FBXW7: variants seen among roughly 807,000 people sequenced by gnomAD.
The protein encoded by FBXW7 is F-box/WD repeat-containing protein 7.
Under a neutral mutation model 86.3 loss-of-function variants are expected in FBXW7, and 11 were observed. The observed-to-expected ratio is 0.13, with a 90% CI of 0.08 to 0.21. The LOEUF (loss-of-function observed/expected upper bound fraction) is 0.21, where lower values mean the gene tolerates loss of function less well. Among genes scored for constraint, FBXW7 ranks in the 10% least tolerant of loss-of-function variants. FBXW7 has a pLI of 1.00. For synonymous variants in FBXW7, 313 were observed against 297.9 expected (o/e 1.05, Z -0.52); for missense variants, 488 against 847.4 (o/e 0.58, Z 5.27).
rs1729514628 is a variant in FBXW7 at position 152,330,953 on chromosome 4, G to A, written c.986-85C>T. ...ATAAAGTATTCCATCTTTATAAAGA[G>A]TATTCCATCTCTCTGCTCAAAACCA... On this transcript the variant is annotated intron_variant, in intron 8 of 13. Transcript: ENST00000281708. 1.5e-5 allele frequency: 21 copies of A among 1,356,686 alleles called. No individual in the cohort carries two copies. The South Asian group carries it at 2.8e-4, about 18-fold the overall frequency. 84.0% of individuals were successfully genotyped at this position (1,356,686 alleles called of 1,614,324 possible). A position where few individuals can be genotyped will look rare whatever the true frequency, so the allele number is the denominator to read the frequency against.
At chr4:152,357,297 A>ATTT (rs1199805159) in intron 4 of FBXW7, among the ~76,000 whole-genome samples, 1 of 152,052 alleles carries the variant, frequency 6.6e-6, no homozygotes, top group Non-Finnish European at 1.5e-5. Context: ...AATAAATTTT[A>ATTT]ATATAATTAC....
At chr4:152,329,302 T>A (rs1729337712) in intron 10 of FBXW7, among the ~76,000 whole-genome samples, 1 of 151,890 alleles carries the variant, frequency 6.6e-6, no homozygotes, top group South Asian at 2.1e-4. Context: ...AAAATAAATA[T>A]CCCTCAACCA....
At chr4:152,503,461 G>A (rs1747135066) in intron 2 of FBXW7, among the ~76,000 whole-genome samples, 1 of 152,022 alleles carries the variant, frequency 6.6e-6, no homozygotes, top group Admixed American at 6.6e-5. Flanking sequence ...TAGTAGAGAT[G>A]GGGTTTTGTC....
rs1024846231 is a variant in FBXW7 at position 152,382,118 on chromosome 4, C to G, written c.501+29185G>C. ...AAATAAAAACTGAAATTTGAGGCAT[C>G]TTTTCACTAAAAGAGGCCAAGGTAC... is the stretch of plus-strand genomic sequence containing the variant. On this transcript the variant is annotated intron_variant, in intron 4 of 13. Coordinates refer to ENST00000281708, the MANE Select transcript of FBXW7 (RefSeq NM_001349798.2). The G allele has an allele frequency of 3.2e-5, 37 of 1,139,054 alleles. No homozygotes were observed. The Admixed American group carries it at 9.3e-4, about 29-fold the overall frequency. 70.6% of individuals were successfully genotyped at this position (1,139,054 alleles called of 1,614,324 possible). A position where few individuals can be genotyped will look rare whatever the true frequency, so the allele number is the denominator to read the frequency against.
At chr4:152,384,975 A>G (rs1485260757) in intron 4 of FBXW7, among the ~76,000 whole-genome samples, 1 of 152,044 alleles carries the variant, frequency 6.6e-6, no homozygotes, top group Non-Finnish European at 1.5e-5. Flanking sequence ...CATAAGACTA[A>G]TTGTTTTGTT....
chr4:152,397,577 T>TA (rs1736522748), intron 4 of FBXW7, among the ~76,000 whole-genome samples: 4 of 151,600 alleles, frequency 2.6e-5, no homozygotes, highest in Admixed American at 2.6e-4. Flanking sequence ...AGGCATATCT[T>TA]ACGTAGTTCA....
intron 4 of FBXW7, among the ~76,000 whole-genome samples, chr4:152,399,154 T>C (rs1173730098): frequency 1.3e-5 from 2 of 152,164 alleles, no homozygotes; most frequent in Non-Finnish European, 2.9e-5. Flanking sequence ...GAAGATTCTA[T>C]ACTTGGCACC....
intron 2 of FBXW7, among the ~76,000 whole-genome samples, chr4:152,480,216 C>T (rs983226308): frequency 1.3e-5 from 2 of 152,162 alleles, no homozygotes; most frequent in Non-Finnish European, 2.9e-5. Flanking sequence ...TAGTAATTCT[C>T]ACAATATTTC....
chr4:152,365,801 A>G (rs1733425055), intron 4 of FBXW7, among the ~76,000 whole-genome samples: 3 of 152,186 alleles, frequency 2.0e-5, no homozygotes. Flanking sequence ...TATACAGGCT[A>G]TCTCTGATTT....
intron 2 of FBXW7, among the ~76,000 whole-genome samples, chr4:152,453,728 G>T (rs1339063913): frequency 6.6e-6 from 1 of 152,068 alleles, no homozygotes; most frequent in Non-Finnish European, 1.5e-5. Flanking sequence ...TGAAAGAGTG[G>T]TGGCAGCAAA....
intron 4 of FBXW7, among the ~76,000 whole-genome samples, chr4:152,385,143 A>G (rs896511882): frequency 1.3e-5 from 2 of 152,070 alleles, no homozygotes; most frequent in African/African-American, 4.8e-5. Flanking sequence ...ATTCTGTCTC[A>G]GTGATACCTT....
intron 2 of FBXW7, among the ~76,000 whole-genome samples, chr4:152,516,023 T>C (rs912286647): frequency 1.3e-5 from 2 of 152,084 alleles, no homozygotes; most frequent in Non-Finnish European, 2.9e-5. Context: ...GAACAAGGAA[T>C]TGAACTCTTC....
chr4:152,409,763 A>G (rs1737760280), intron 4 of FBXW7, among the ~76,000 whole-genome samples: 1 of 152,206 alleles, frequency 6.6e-6, no homozygotes. Context: ...ATAAATGCAT[A>G]CACACATCTA....
chr4:152,358,195 A>T (rs556366243), intron 4 of FBXW7, among the ~76,000 whole-genome samples: 1 of 152,320 alleles, frequency 6.6e-6, no homozygotes, highest in East Asian at 1.9e-4. Context: ...AAAGTATAAA[A>T]TGTAAGTTTG....
chr4:152,334,223 A>G (rs1026236540), intron 7 of FBXW7, among the ~76,000 whole-genome samples: 1 of 152,214 alleles, frequency 6.6e-6, no homozygotes, highest in Non-Finnish European at 1.5e-5. Flanking sequence ...ATCAGAGAAG[A>G]CCAGTATTAT....
chr4:152,441,979 C>T (rs2126986490), intron 2 of FBXW7, among the ~76,000 whole-genome samples: 1 of 152,268 alleles, frequency 6.6e-6, no homozygotes, highest in South Asian at 2.1e-4. Context: ...TAACATTTCA[C>T]CATCCCTCCC....
intron 11 of FBXW7, among the ~76,000 whole-genome samples, chr4:152,327,597 C>T (rs1391829732): frequency 2.0e-5 from 3 of 151,948 alleles, no homozygotes; most frequent in East Asian, 1.9e-4. Flanking sequence ...AAAACTGGAT[C>T]GAGGATTTCT....
chr4:152,445,173 T>G (rs1332848547), intron 2 of FBXW7, among the ~76,000 whole-genome samples: 1 of 152,172 alleles, frequency 6.6e-6, no homozygotes, highest in Admixed American at 6.5e-5. Context: ...CAAATATGCT[T>G]TATATGAATA....
chr4:152,382,455 C>A, intron 4 of FBXW7: 2 of 1,228,888 alleles, frequency 1.6e-6, no homozygotes, highest in Non-Finnish European at 2.0e-6. Context: ...AGGCTGAGAA[C>A]CCAAGGCCTG....
Sources: allele counts gnomAD v4.1 joint callset (sites outside exome capture counted in the v4.1 genomes callset), GRCh38; gene constraint gnomAD v4.1.1; transcripts MANE v1.5; gene names NCBI Gene and HGNC (gene_info 2026-07-23, HGNC 2026-07-21).